Variants in RTN3 observed in about 807,000 individuals in gnomAD.
The protein encoded by RTN3 is reticulon 3.
A neutral mutation model predicts 77.8 loss-of-function variants in RTN3; 49 were observed. That is an observed-to-expected ratio of 0.63 (90% CI 0.50 to 0.80). RTN3 has a LOEUF of 0.80. Among genes scored for constraint, RTN3 ranks in the 30% least tolerant of loss-of-function variants. The pLI is 0.00. For missense variants in RTN3, 1,236 were observed against 1,211.9 expected (o/e 1.02, Z -0.29); for synonymous variants, 464 against 446.9 (o/e 1.04, Z -0.48).
In RTN3 at chr11:63,759,787, T is replaced by C. The variant is rs1590906075; in HGVS notation, c.*1586T>C. The C allele has an allele frequency of 6.6e-6, 1 of 151,980 alleles. No homozygotes were observed. Among genetic ancestry groups the C allele is most frequent in the Non-Finnish European group, 1.5e-5 (1 of 67,946 alleles). The allele number at this position is 151,980 out of a possible 1,614,324, so 9.4% of individuals were successfully genotyped here. ...TAATGAAACTGTGTGTACGTGTCTG[T>C]GCGTGCAACATAAAAATACAGTAGC... On this transcript the variant is annotated 3_prime_UTR_variant, in exon 9 of 9. Coordinates refer to ENST00000377819, the MANE Select transcript of RTN3 (RefSeq NM_001265589.2).
intron 3 of RTN3, among the ~76,000 whole-genome samples, chr11:63,737,972 T>C (rs1331410986): frequency 3.3e-5 from 5 of 152,212 alleles, no homozygotes; most frequent in African/African-American, 1.2e-4. Flanking sequence ...GATAAATCTG[T>C]AGCAGAGCAG....
Position 63,759,155 on chromosome 11 carries a change from G to A in RTN3, c.*954G>A, listed in dbSNP as rs1267581866. The A allele has an allele frequency of 1.1e-4, 16 of 152,130 alleles. No individual in the cohort carries two copies. The highest frequency in any genetic ancestry group is 1.0e-3 in the Admixed American group (16 of 15,268). 9.4% of individuals were successfully genotyped at this position (152,130 alleles called of 1,614,324 possible). Reference sequence around the variant, plus strand: ...AGTTTTTGTGATCCTATCTCAGTCTGGGGGGGAACATTCTCAAGAGGTGAA... The same window carrying A: ...AGTTTTTGTGATCCTATCTCAGTCTAGGGGGGAACATTCTCAAGAGGTGAA... On this transcript the variant is annotated 3_prime_UTR_variant, in exon 9 of 9. Coordinates refer to ENST00000377819, the MANE Select transcript of RTN3 (RefSeq NM_001265589.2).
At chr11:63,737,134 C>G (rs1324456036) in intron 3 of RTN3, among the ~76,000 whole-genome samples, 1 of 151,956 alleles carries the variant, frequency 6.6e-6, no homozygotes, top group Non-Finnish European at 1.5e-5. Context: ...ATGCCCAGCT[C>G]CATCTTAGAA....
intron 3 of RTN3, among the ~76,000 whole-genome samples, chr11:63,729,384 A>G (rs539210232): frequency 1.7e-4 from 26 of 151,022 alleles, no homozygotes; most frequent in Non-Finnish European, 3.2e-4. Flanking sequence ...TCTTAGGACA[A>G]TTATAACAGA....
In RTN3 at chr11:63,749,913, A is replaced by C; in HGVS notation, c.2531-78A>C. The stretch of plus-strand genomic sequence containing the variant: ...GGGGCATACCTGTATTTGTGTGCTA[A>C]TGTGAGGCTCCACAGGTATGCAAGA... On this transcript the variant is annotated intron_variant, in intron 3 of 8. Transcript: ENST00000377819. 2.9e-6 allele frequency: 3 copies of C among 1,038,990 alleles called. No homozygotes were observed. In the South Asian group the frequency reaches 4.1e-5, roughly 14 times the overall value. The allele number at this position is 1,038,990 out of a possible 1,614,324, so 64.4% of individuals were successfully genotyped here.
rs769337788 is a variant in RTN3 at position 63,697,766 on chromosome 11, G to A, written c.143-7085G>A. ...GCTGGCATTACAGGCGAGAGCCACC[G>A]CGCCCGGCCCACCTGTGCTTTTTCA... On this transcript the variant is annotated intron_variant, in intron 1 of 8. Transcript: ENST00000377819. Among the ~76,000 whole-genome samples the A allele has an allele frequency of 3.3e-5, 5 of 152,102 alleles. No individual in the cohort carries two copies. In the East Asian group the frequency reaches 7.7e-4, roughly 23 times the overall value.
At chr11:63,713,894 C>T (rs2011243363) in intron 2 of RTN3, 1 of 375,902 alleles carries the variant, frequency 2.7e-6, no homozygotes, top group Non-Finnish European at 5.3e-6. Context: ...TTTATTCCAC[C>T]AGACAGCTTT....
At chr11:63,696,109 C>A (rs886450489) in intron 1 of RTN3, among the ~76,000 whole-genome samples, 17 of 144,946 alleles carry the variant, frequency 1.2e-4, no homozygotes, top group Non-Finnish European at 1.4e-4. Flanking sequence ...AAAAAAAAAA[C>A]CTATTTTAAG....
chr11:63,749,328 A>G (rs1257046083), intron 3 of RTN3, among the ~76,000 whole-genome samples: 2 of 152,158 alleles, frequency 1.3e-5, no homozygotes, highest in African/African-American at 2.4e-5. Context: ...ATGGTCCCCT[A>G]TACATAATCC....
chr11:63,712,765 G>A (rs1283884879), intron 2 of RTN3, among the ~76,000 whole-genome samples: 8 of 152,042 alleles, frequency 5.3e-5, no homozygotes, highest in Non-Finnish European at 1.0e-4. Flanking sequence ...GATTACAGGC[G>A]TGAGCCACCG....
chr11:63,733,532 C>T (rs1324735839), intron 3 of RTN3, among the ~76,000 whole-genome samples: 1 of 150,974 alleles, frequency 6.6e-6, no homozygotes, highest in Non-Finnish European at 1.5e-5. Context: ...ACCACATTAA[C>T]AATGAAGAAA....
At chr11:63,705,017 A>G in intron 2 of RTN3, 110 bp downstream of exon 2, 1 of 828,244 alleles carries the variant, frequency 1.2e-6, no homozygotes, top group Non-Finnish European at 2.0e-6. Flanking sequence ...CCCCTAAAAT[A>G]AAAACTAATT....
rs1158222289 is a variant in RTN3, at chr11:63,719,275, A to C, written c.773A>C (p.Asp258Ala). 1 of 1,614,136 alleles carries C rather than the reference A, an allele frequency of 6.2e-7. No homozygotes were observed. The highest frequency in any genetic ancestry group is 8.5e-7 in the Non-Finnish European group (1 of 1,180,000). ...GTAATTATTGACAAAGCAGCATTTG[A>C]CAAAGAATTTAAAGACTCATATAAG... ...FEVIIDKAAF[D>A]KEFKDSYKES... Residue 258 changes from aspartate (D) to alanine (A), a missense_variant, in exon 3 of 9, where the codon GAC becomes GCC. Physicochemically the swap from Asp to Ala is moderately radical, Grantham distance 126. Transcript: ENST00000377819.
At chr11:63,734,553 A>G (rs1389967593) in intron 3 of RTN3, among the ~76,000 whole-genome samples, 1 of 151,902 alleles carries the variant, frequency 6.6e-6, no homozygotes, top group Non-Finnish European at 1.5e-5. Flanking sequence ...CCTGGCCAAC[A>G]TGGTGAAACC....
chr11:63,718,829 G>A lies in RTN3; in HGVS notation c.327G>A (p.Gly109=), dbSNP rs554680118. The part of the protein sequence containing the change: ...ILHGEKSHVL[G]SQPILAKEGK... Reference sequence around the variant, plus strand: ...ATGGAGAAAAAAGCCATGTGTTAGGGAGCCAGCCTATTTTAGCCAAAGAAG... The same window carrying A: ...ATGGAGAAAAAAGCCATGTGTTAGGAAGCCAGCCTATTTTAGCCAAAGAAG... The change falls in exon 3 of 9, where the codon GGG becomes GGA. Residue 109 remains glycine (G), a synonymous_variant. Transcript: ENST00000377819. 4.4e-4 allele frequency: 706 copies of A among 1,614,056 alleles called. 6 individuals are homozygous for A. The South Asian group carries it at 7.5e-3, about 17-fold the overall frequency.
chr11:63,688,221 T>C (rs1941470971), intron 1 of RTN3, among the ~76,000 whole-genome samples: 3 of 146,024 alleles, frequency 2.1e-5, no homozygotes, highest in Non-Finnish European at 4.5e-5. Flanking sequence ...AAGTGTGTTT[T>C]GCTTTTTTTT....
intron 3 of RTN3, among the ~76,000 whole-genome samples, chr11:63,725,522 C>T (rs547569741): frequency 6.6e-6 from 1 of 151,946 alleles, no homozygotes; most frequent in African/African-American, 2.4e-5. Context: ...AATCTCCGCT[C>T]ACTGCAAGCT....
intron 2 of RTN3, chr11:63,713,991 A>G: frequency 1.9e-6 from 1 of 518,570 alleles, no homozygotes; most frequent in Non-Finnish European, 3.9e-6. Context: ...GGGCAACAGC[A>G]GTGACTACAA....
In RTN3 at chr11:63,718,775, A is replaced by G. The variant is rs1190398864; in HGVS notation, c.273A>G (p.Glu91=). ...CTTCTTCCTTTCTTTCATCTTCTGA[A>G]ATACATAACACTGGCCTTACAATAC... ...IMTSSFLSSS[E]IHNTGLTILH... is the part of the protein sequence containing the mutation. The change falls in exon 3 of 9, where the codon GAA becomes GAG. Residue 91 remains glutamate, a synonymous_variant. Transcript: ENST00000377819. 4 of 1,608,700 alleles carry G rather than the reference A, an allele frequency of 2.5e-6. No homozygotes were observed. The highest frequency in any genetic ancestry group is 3.4e-6 in the Non-Finnish European group (4 of 1,178,840).
Sources: allele counts gnomAD v4.1 joint callset (sites outside exome capture counted in the v4.1 genomes callset), GRCh38; gene constraint gnomAD v4.1.1; transcripts MANE v1.5; gene names NCBI Gene and HGNC (gene_info 2026-07-23, HGNC 2026-07-21).